The following EPHA6 variants were observed in gnomAD, a reference collection of about 807,000 sequenced individuals.
The protein encoded by EPHA6 is ephrin type-A receptor 6.
EPHA6 carries 50 observed loss-of-function variants against 112.0 expected under a neutral mutation model. The ratio of observed to expected loss-of-function variants is 0.45; its 90% CI spans 0.36 to 0.56. The LOEUF (loss-of-function observed/expected upper bound fraction) is 0.56, where lower values mean the gene tolerates loss of function less well. Ranked by LOEUF, EPHA6 falls within the 20% of genes least tolerant of loss-of-function variation. The probability of loss-of-function intolerance (pLI) is 0.00; values close to 1 mark genes in which losing one functional copy is unlikely to be tolerated. For missense variants in EPHA6, 1,280 were observed against 1,417.4 expected, an observed-to-expected ratio of 0.90 and a Z score of 1.56; for synonymous variants, 529 against 490.7, an observed-to-expected ratio of 1.08 and a Z score of -1.03.
At chr3:96,980,512 T>C (rs2042722382) in intron 2 of EPHA6, among the ~76,000 whole-genome samples, 1 of 152,232 alleles carries the variant, frequency 6.6e-6, no homozygotes, top group Admixed American at 6.5e-5. Flanking sequence ...TTCTTTTGGC[T>C]TAGGATTGTC....
intron 3 of EPHA6, among the ~76,000 whole-genome samples, chr3:97,027,902 A>C (rs1043139276): frequency 6.6e-6 from 1 of 152,126 alleles, no homozygotes; most frequent in Non-Finnish European, 1.5e-5. Context: ...TTGGGACACA[A>C]ATTTTCTTCC....
At chr3:97,191,056 T>C (rs1040050393) in intron 3 of EPHA6, among the ~76,000 whole-genome samples, 3 of 152,114 alleles carry the variant, frequency 2.0e-5, no homozygotes, top group African/African-American at 7.2e-5. Context: ...TAGCCTCTGG[T>C]AACTGCCATT....
intron 5 of EPHA6, among the ~76,000 whole-genome samples, chr3:97,350,790 A>G (rs746067310): frequency 3.3e-5 from 5 of 151,892 alleles, no homozygotes; most frequent in Non-Finnish European, 5.9e-5. Context: ...CTCTACTGCT[A>G]CTCCTGCATT....
At chr3:96,881,837 G>A (rs763913338) in intron 2 of EPHA6, among the ~76,000 whole-genome samples, 42 of 152,124 alleles carry the variant, frequency 2.8e-4, no homozygotes, top group Admixed American at 7.2e-4. Flanking sequence ...CAAAACAAAG[G>A]GGCTACGGGC....
intron 2 of EPHA6, among the ~76,000 whole-genome samples, chr3:96,974,655 A>C (rs1226874003): frequency 6.6e-6 from 1 of 152,184 alleles, no homozygotes; most frequent in Non-Finnish European, 1.5e-5. Flanking sequence ...GATAAATAGA[A>C]CAGAGAGACT....
intron 13 of EPHA6, among the ~76,000 whole-genome samples, chr3:97,617,006 G>GA (rs1225963299): frequency 3.3e-5 from 5 of 152,010 alleles, no homozygotes; most frequent in Non-Finnish European, 5.9e-5. Flanking sequence ...CAAAATACAG[G>GA]AAAAAATGTT....
rs1433327623 is a variant in EPHA6 at position 97,756,531 on chromosome 3, T to A, written c.*7830T>A. ...AAGGTTTAATGTGTATAAATGTTTGTCATTGAAGTTTGGAATTTATTTTAA... is the reference window on the plus strand; with the variant it reads ...AAGGTTTAATGTGTATAAATGTTTGACATTGAAGTTTGGAATTTATTTTAA... On this transcript the variant is annotated 3_prime_UTR_variant, in exon 18 of 18. Transcript: ENST00000389672. 6.6e-6 allele frequency among the ~76,000 whole-genome samples: 1 copy of A among 151,942 alleles called. No individual in the cohort carries two copies. Among genetic ancestry groups the A allele is most frequent in the Non-Finnish European group, 1.5e-5 (1 of 67,818 alleles).
chr3:97,393,732 T>C (rs1205690767), intron 5 of EPHA6, among the ~76,000 whole-genome samples: 1 of 151,748 alleles, frequency 6.6e-6, no homozygotes, highest in Non-Finnish European at 1.5e-5. Context: ...CCCATTTTGC[T>C]CCCCACTACC....
chr3:97,024,470 A>G (rs983203340), intron 3 of EPHA6, among the ~76,000 whole-genome samples: 2 of 152,192 alleles, frequency 1.3e-5, no homozygotes, highest in Admixed American at 6.5e-5. Flanking sequence ...GATCTGAAAG[A>G]AATTCTAAAG....
intron 6 of EPHA6, among the ~76,000 whole-genome samples, chr3:97,410,818 G>A (rs976622538): frequency 5.3e-5 from 8 of 151,940 alleles, no homozygotes; most frequent in Non-Finnish European, 8.8e-5. Context: ...TCATTTAATC[G>A]AGTGTTGATA....
intron 5 of EPHA6, among the ~76,000 whole-genome samples, chr3:97,260,771 A>C (rs949576603): frequency 1.3e-5 from 2 of 152,210 alleles, no homozygotes; most frequent in African/African-American, 4.8e-5. Context: ...CAGGGCATTC[A>C]GTTATAAAAC....
intron 13 of EPHA6, among the ~76,000 whole-genome samples, chr3:97,636,851 T>C (rs991754796): frequency 3.3e-5 from 5 of 152,150 alleles, no homozygotes; most frequent in African/African-American, 1.2e-4. Context: ...TATTCATTTT[T>C]AATATCATTC....
chr3:97,206,467 G>T (rs59061716), intron 3 of EPHA6, among the ~76,000 whole-genome samples: 1 of 151,734 alleles, frequency 6.6e-6, no homozygotes, highest in Non-Finnish European at 1.5e-5. Flanking sequence ...ATTTGAGTTC[G>T]TTTCCTCTCT....
chr3:96,878,874 A>G (rs2037131052), intron 2 of EPHA6, among the ~76,000 whole-genome samples: 1 of 152,046 alleles, frequency 6.6e-6, no homozygotes, highest in Non-Finnish European at 1.5e-5. Flanking sequence ...TATTGTCTAT[A>G]CTTTTACTGA....
chr3:96,857,195 T>G (rs534826433), intron 1 of EPHA6, among the ~76,000 whole-genome samples: 25 of 152,214 alleles, frequency 1.6e-4, no homozygotes, highest in Non-Finnish European at 3.4e-4. Context: ...TTTGCCTAGA[T>G]GTTAAAATGT....
rs146042906 is a variant in EPHA6 at position 97,001,807 on chromosome 3, G to A, written c.1114+13814G>A. Among the ~76,000 whole-genome samples the A allele has an allele frequency of 5.0e-3, 765 of 152,010 alleles. 6 individuals are homozygous for A. The highest frequency in any genetic ancestry group is 0.017 in the African/African-American group (694 of 41,504). ...AGCATGCTGTACCAAAAATAGATGG[G>A]AACATTGAGACCGTAAAAACAAGCT... On this transcript the variant is annotated intron_variant, in intron 3 of 17. Transcript: ENST00000389672.
Position 97,532,491 on chromosome 3 carries a change from G to C in EPHA6, c.2334G>C (p.Met778Ile), listed in dbSNP as rs1323142893. ...RRDFLREASIMGQFDHPNIIR... is the reference protein window; with the variant it reads ...RRDFLREASIIGQFDHPNIIR... Reference sequence around the variant, plus strand: ...ATTTTCTAAGAGAAGCTAGTATCATGGGCCAGTTTGACCATCCAAACATCA... The same window carrying C: ...ATTTTCTAAGAGAAGCTAGTATCATCGGCCAGTTTGACCATCCAAACATCA... The change falls in exon 11 of 18, where the codon ATG (methionine) becomes ATC (isoleucine). Residue 778 changes from methionine to isoleucine, a missense_variant. By Grantham distance (10) the Met-to-Ile change is conservative (BLOSUM62 1). Coordinates refer to ENST00000389672, the MANE Select transcript of EPHA6 (RefSeq NM_001080448.3). 6.2e-7 allele frequency: 1 copy of C among 1,612,104 alleles called. No individual in the cohort carries two copies. Among genetic ancestry groups the C allele is most frequent in the East Asian group, 2.2e-5 (1 of 44,802 alleles).
chr3:97,293,669 T>C (rs2080775821), intron 5 of EPHA6, among the ~76,000 whole-genome samples: 1 of 152,192 alleles, frequency 6.6e-6, no homozygotes. Context: ...AAAAAGCCCA[T>C]AAGTTCCCAC....
At chr3:97,130,895 T>C (rs1242770597) in intron 3 of EPHA6, among the ~76,000 whole-genome samples, 1 of 152,148 alleles carries the variant, frequency 6.6e-6, no homozygotes, top group Non-Finnish European at 1.5e-5. Context: ...TAAATTTGTA[T>C]TTTGGATGAT....
Sources: gnomAD v4.1 joint callset for allele counts (sites outside exome capture counted in the v4.1 genomes callset) on GRCh38, gnomAD v4.1.1 for gene constraint, MANE v1.5 for transcripts, NCBI Gene and HGNC (gene_info 2026-07-23, HGNC 2026-07-21) for gene names.